ARCN1: variants seen among roughly 807,000 people sequenced by gnomAD.
ARCN1 encodes the protein archain 1 coat protein complex I subunit delta, also known as coatomer subunit delta.
A neutral mutation model predicts 60.4 loss-of-function variants in ARCN1; 5 were observed. That is an observed-to-expected ratio of 0.08 (90% CI 0.04 to 0.17). The LOEUF is 0.17. ARCN1 is among the 10% of genes least tolerant of loss of function. The probability of loss-of-function intolerance (pLI) is 1.00; values close to 1 mark genes in which losing one functional copy is unlikely to be tolerated. For missense variants in ARCN1, 464 were observed against 626.5 expected (o/e 0.74, Z 2.77); for synonymous variants, 224 against 220.0 (o/e 1.02, Z -0.16).
chr11:118,575,890 A>C (rs566646131), intron 1 of ARCN1, among the ~76,000 whole-genome samples: 25 of 152,214 alleles, frequency 1.6e-4, no homozygotes, highest in Admixed American at 1.0e-3. Context: ...GCCTAATGTT[A>C]CTATAAAATA....
At chr11:118,596,350 A>G (rs782481132) in intron 8 of ARCN1, among the ~76,000 whole-genome samples, 6 of 152,170 alleles carry the variant, frequency 3.9e-5, no homozygotes, top group Non-Finnish European at 5.9e-5. Flanking sequence ...ATAGAATGCT[A>G]CAATTTTGAG....
At chr11:118,574,997 C>T (rs554691162) in intron 1 of ARCN1, among the ~76,000 whole-genome samples, 36 of 151,934 alleles carry the variant, frequency 2.4e-4, no homozygotes, top group African/African-American at 8.2e-4. Flanking sequence ...GTTTGGTTTT[C>T]GAGACGGATT....
intron 1 of ARCN1, among the ~76,000 whole-genome samples, chr11:118,580,315 C>T (rs1044420275): frequency 5.9e-5 from 9 of 152,028 alleles, no homozygotes; most frequent in Non-Finnish European, 1.2e-4. Context: ...CAAAGTGAGA[C>T]CCTGTCTCCA....
chr11:118,591,455 G>A (rs562427787), intron 6 of ARCN1, among the ~76,000 whole-genome samples: 4 of 152,222 alleles, frequency 2.6e-5, no homozygotes, highest in African/African-American at 9.6e-5. Context: ...TCTGTGGTAC[G>A]ATCTTGGTTC....
chr11:118,595,750 C>T (rs1293579202), intron 8 of ARCN1, among the ~76,000 whole-genome samples: 3 of 152,170 alleles, frequency 2.0e-5, no homozygotes, highest in Non-Finnish European at 4.4e-5. Context: ...ACTGTTATGT[C>T]GCTCAGTTAT....
chr11:118,598,572 G>A (rs528569753), intron 9 of ARCN1, among the ~76,000 whole-genome samples: 6 of 141,916 alleles, frequency 4.2e-5, no homozygotes, highest in African/African-American at 1.1e-4. Context: ...TCAGCTCACC[G>A]CAACCTCCGC....
At position 118,590,491 on chromosome 11, in the gene ARCN1, A is replaced by G. The variant is rs763191104; in HGVS notation, c.969A>G (p.Lys323=). 13 of 1,614,200 alleles carry G rather than the reference A, an allele frequency of 8.1e-6. No homozygotes were observed. Among genetic ancestry groups the G allele is most frequent in the Admixed American group, 1.7e-5 (1 of 60,020 alleles). ...TTCATGTGGAAAATGAAGATAAGAA[A>G]GGGGTGCAGCTACAGGTGTGTAGAA... ...IRLHVENEDK[K]GVQLQTHPNV... is the part of the protein sequence containing the mutation. Residue 323 remains lysine, a synonymous_variant, in exon 6 of 10, where the codon AAA becomes AAG. Coordinates refer to ENST00000264028, the MANE Select transcript of ARCN1 (RefSeq NM_001655.5).
In ARCN1 at chr11:118,583,949, A is replaced by G. The variant is rs782088012; in HGVS notation, c.588A>G (p.Thr196=). ...GCTCTGCAGTATCTGGAGGCAGCAC[A>G]GCTGCCATGATCACAGAGACCATCA... is the stretch of plus-strand genomic sequence containing the variant. ...FGSSAVSGGS[T]AAMITETIIE... The change falls in exon 4 of 10, where the codon ACA becomes ACG. Residue 196 remains threonine (T), a synonymous_variant. Coordinates refer to ENST00000264028, the MANE Select transcript of ARCN1 (RefSeq NM_001655.5). 1.2e-6 allele frequency: 2 copies of G among 1,614,254 alleles called. No homozygotes were observed. The highest frequency in any genetic ancestry group is 1.7e-6 in the Non-Finnish European group (2 of 1,180,044).
chr11:118,573,668 G>A (rs1555072885), intron 1 of ARCN1: 1 of 702,770 alleles, frequency 1.4e-6, no homozygotes, highest in African/African-American at 1.7e-5. Flanking sequence ...ATGGCAGAAT[G>A]TAATTTGGTG....
rs782162191 is a variant in ARCN1 at position 118,592,765 on chromosome 11, G to A, written c.1041G>A (p.Lys347=). 1.2e-5 allele frequency: 20 copies of A among 1,614,010 alleles called. No individual in the cohort carries two copies. Among genetic ancestry groups the A allele is most frequent in the Middle Eastern group, 1.6e-4 (1 of 6,062 alleles). Residue 347 remains lysine (K), a synonymous_variant, in exon 7 of 10, where the codon AAG becomes AAA. Coordinates refer to ENST00000264028, the MANE Select transcript of ARCN1 (RefSeq NM_001655.5). ...LFTAESLIGL[K]NPEKSFPVNS... ...CTGCAGAGTCTCTAATTGGCCTGAA[G>A]AATCCAGAGAAGTCATTTCCAGTCA... is the stretch of plus-strand genomic sequence containing the variant.
chr11:118,578,164 AAAATAAAT>A (rs10608266), intron 1 of ARCN1, among the ~76,000 whole-genome samples: 15,086 of 141,514 alleles, frequency 0.11, 1,264 homozygotes, highest in African/African-American at 0.22. Context: ...ACTCTCTCAA[AAAATAAAT>A]AAATAAATAA....
At chr11:118,587,383 A>G (rs1000758268) in intron 5 of ARCN1, among the ~76,000 whole-genome samples, 11 of 152,092 alleles carry the variant, frequency 7.2e-5, no homozygotes, top group African/African-American at 2.4e-4. Context: ...CAGTGTGTCT[A>G]TTTTTCCCCC....
chr11:118,575,011 G>A (rs782547356), intron 1 of ARCN1, among the ~76,000 whole-genome samples: 1 of 151,892 alleles, frequency 6.6e-6, no homozygotes, highest in Non-Finnish European at 1.5e-5. Flanking sequence ...ACGGATTCTC[G>A]CTCTGTCTCC....
chr11:118,582,675 G>T (rs988299345), intron 2 of ARCN1, among the ~76,000 whole-genome samples: 1 of 149,794 alleles, frequency 6.7e-6, no homozygotes, highest in South Asian at 2.1e-4. Flanking sequence ...GCAGTGAGCC[G>T]AGATCGTGCC....
At chr11:118,592,228 G>A (rs529177932) in intron 6 of ARCN1, among the ~76,000 whole-genome samples, 58 of 152,256 alleles carry the variant, frequency 3.8e-4, no homozygotes, top group African/African-American at 1.4e-3. Flanking sequence ...ATCTTAATTG[G>A]CTTGGATTTT....
chr11:118,601,541 T>C lies in ARCN1; in HGVS notation c.*827T>C, dbSNP rs540332854. On this transcript the variant is annotated 3_prime_UTR_variant, in exon 10 of 10. Coordinates refer to ENST00000264028, the MANE Select transcript of ARCN1 (RefSeq NM_001655.5). Reference sequence around the variant, plus strand: ...CATCTGTTTACAGGCATTATATTTATTTGGCACTCCTGGAACAAGTATATC... The same window carrying C: ...CATCTGTTTACAGGCATTATATTTACTTGGCACTCCTGGAACAAGTATATC... The C allele has an allele frequency of 9.0e-6, 6 of 666,932 alleles. No individual in the cohort carries two copies. The highest frequency in any genetic ancestry group is 1.8e-5 in the African/African-American group (1 of 56,052). 41.3% of individuals were successfully genotyped at this position (666,932 alleles called of 1,614,324 possible). A position where few individuals can be genotyped will look rare whatever the true frequency, so the allele number is the denominator to read the frequency against.
intron 8 of ARCN1, among the ~76,000 whole-genome samples, chr11:118,596,404 C>G (rs1367979207): frequency 2.0e-5 from 3 of 152,152 alleles, no homozygotes; most frequent in African/African-American, 7.2e-5. Flanking sequence ...TTCCTGTATT[C>G]TAGTTCAGTT....
At chr11:118,588,578 C>T (rs1938826264) in intron 5 of ARCN1, among the ~76,000 whole-genome samples, 1 of 152,220 alleles carries the variant, frequency 6.6e-6, no homozygotes, top group Admixed American at 6.5e-5. Context: ...GGCATGATGG[C>T]ACATGGCTGT....
chr11:118,577,192 A>G (rs1938536031), intron 1 of ARCN1, among the ~76,000 whole-genome samples: 1 of 152,162 alleles, frequency 6.6e-6, no homozygotes, highest in Admixed American at 6.5e-5. Flanking sequence ...GTTTCAAAAC[A>G]AACAAATCCT....
Sources: allele counts gnomAD v4.1 joint callset (sites outside exome capture counted in the v4.1 genomes callset), GRCh38; gene constraint gnomAD v4.1.1; transcripts MANE v1.5; gene names NCBI Gene and HGNC (gene_info 2026-07-23, HGNC 2026-07-21).